SCHIP1: variants seen among roughly 807,000 people sequenced by gnomAD.
SCHIP1 encodes the protein schwannomin interacting protein 1, also known as schwannomin-interacting protein 1.
A neutral mutation model predicts 29.7 loss-of-function variants in SCHIP1; 8 were observed. The observed-to-expected ratio is 0.27, with a 90% CI of 0.16 to 0.49. The LOEUF (loss-of-function observed/expected upper bound fraction) is 0.49. Among genes scored for constraint, SCHIP1 ranks in the 20% least tolerant of loss-of-function variants. The pLI is 0.99. For missense variants in SCHIP1, 193 were observed against 294.6 expected, an observed-to-expected ratio of 0.66 and a Z score of 2.52; for synonymous variants, 76 against 94.9, an observed-to-expected ratio of 0.80 and a Z score of 1.16.
At chr3:159,645,264 C>T in the SCHIP1 span, among the ~76,000 whole-genome samples, 1 of 152,230 alleles carries the variant, frequency 6.6e-6, no homozygotes, top group African/African-American at 2.4e-5. Flanking sequence ...CTCCCCCAGG[C>T]TTGACCCTCT....
chr3:159,627,948 T>C, the SCHIP1 span, among the ~76,000 whole-genome samples: 34 of 152,296 alleles, frequency 2.2e-4, no homozygotes, highest in African/African-American at 7.7e-4. Flanking sequence ...GAGGAAAGGG[T>C]TGGGCTTACT....
the SCHIP1 span, among the ~76,000 whole-genome samples, chr3:159,701,339 T>A: frequency 1.3e-5 from 2 of 152,060 alleles, no homozygotes; most frequent in Non-Finnish European, 2.9e-5. Context: ...AAGTACAGAG[T>A]TCCTATATAC....
At chr3:159,432,288 G>A in the SCHIP1 span, among the ~76,000 whole-genome samples, 23 of 47,200 alleles carry the variant, frequency 4.9e-4, no homozygotes, top group African/African-American at 1.3e-3. Context: ...AGTAGGTGAT[G>A]TGTGTGTGTG....
At chr3:159,767,607 A>G in the SCHIP1 span, among the ~76,000 whole-genome samples, 70 of 152,332 alleles carry the variant, frequency 4.6e-4, no homozygotes, top group African/African-American at 1.6e-3. Flanking sequence ...TGGGGTATAC[A>G]ATGAAAAGGG....
At chr3:159,728,575 C>A in the SCHIP1 span, among the ~76,000 whole-genome samples, 1 of 152,274 alleles carries the variant, frequency 6.6e-6, no homozygotes, top group South Asian at 2.1e-4. Flanking sequence ...GTTGGAGAAA[C>A]AAAAGAAGAG....
At chr3:159,762,448 T>C in the SCHIP1 span, among the ~76,000 whole-genome samples, 1 of 152,198 alleles carries the variant, frequency 6.6e-6, no homozygotes, top group Non-Finnish European at 1.5e-5. Flanking sequence ...AGCCACTCCC[T>C]ACTTAGGAAT....
chr3:159,348,505 T>A, the SCHIP1 span, among the ~76,000 whole-genome samples: 1 of 152,172 alleles, frequency 6.6e-6, no homozygotes, highest in Admixed American at 6.6e-5. Context: ...TTTATATTAG[T>A]TTACTTTGCA....
chr3:159,845,651 G>T (rs997136093), intron 1 of SCHIP1: 4 of 152,174 alleles, frequency 2.6e-5, no homozygotes, highest in Non-Finnish European at 1.5e-5. Context: ...CAAAGTGCTG[G>T]GATCACAGTC....
chr3:159,750,272 T>C, the SCHIP1 span, among the ~76,000 whole-genome samples: 1 of 9,990 alleles, frequency 1.0e-4, no homozygotes, highest in South Asian at 2.1e-3. Context: ...TGTATATATA[T>C]ATATATATAT....
the SCHIP1 span, among the ~76,000 whole-genome samples, chr3:159,338,318 A>G: frequency 2.0e-5 from 3 of 152,328 alleles, no homozygotes; most frequent in East Asian, 5.8e-4. Context: ...GTAAAAGGTG[A>G]TGTCAAACCC....
chr3:159,541,551 T>C, the SCHIP1 span, among the ~76,000 whole-genome samples: 2 of 151,914 alleles, frequency 1.3e-5, no homozygotes, highest in Non-Finnish European at 1.5e-5. Context: ...GGCTGATAGA[T>C]TTATGGATAT....
the SCHIP1 span, among the ~76,000 whole-genome samples, chr3:159,574,312 T>G: frequency 3.3e-5 from 5 of 152,296 alleles, 1 homozygote; most frequent in South Asian, 1.0e-3. Context: ...GATGACATTT[T>G]TGTTGATGTT....
the SCHIP1 span, among the ~76,000 whole-genome samples, chr3:159,286,332 G>A: frequency 6.6e-6 from 1 of 152,064 alleles, no homozygotes; most frequent in Non-Finnish European, 1.5e-5. Flanking sequence ...GTATATGGTT[G>A]TCTGTTCCTG....
chr3:159,695,397 C>T, the SCHIP1 span, among the ~76,000 whole-genome samples: 1 of 152,176 alleles, frequency 6.6e-6, no homozygotes, highest in East Asian at 1.9e-4. Context: ...TCTTGCATTG[C>T]TGTTAGCATG....
At chr3:159,430,960 G>A in the SCHIP1 span, among the ~76,000 whole-genome samples, 1 of 152,100 alleles carries the variant, frequency 6.6e-6, no homozygotes, top group Admixed American at 6.6e-5. Context: ...ACTCAAAGCT[G>A]GAATAATAAG....
intron 3 of SCHIP1, chr3:159,887,364 C>T (rs1027816097): frequency 4.8e-5 from 12 of 248,026 alleles, no homozygotes; most frequent in Admixed American, 3.5e-4. Context: ...GAGATCCTGT[C>T]CACGCAAAGA....
intron 2 of SCHIP1, among the ~76,000 whole-genome samples, chr3:159,872,412 T>A (rs1483467067): frequency 6.6e-6 from 1 of 152,064 alleles, no homozygotes; most frequent in African/African-American, 2.4e-5. Context: ...TGCCCTTTGG[T>A]ACCTCTCTCC....
chr3:159,707,087 G>C, the SCHIP1 span, among the ~76,000 whole-genome samples: 1 of 152,192 alleles, frequency 6.6e-6, no homozygotes, highest in Admixed American at 6.5e-5. Context: ...ATGGTGGCAA[G>C]TGTTACAAAG....
chr3:159,403,369 T>A, the SCHIP1 span, among the ~76,000 whole-genome samples: 7 of 152,260 alleles, frequency 4.6e-5, no homozygotes, highest in South Asian at 1.5e-3. Context: ...TAACATCATG[T>A]CAGGTAAAGA....
Sources: allele counts gnomAD v4.1 joint callset (sites outside exome capture counted in the v4.1 genomes callset), GRCh38; gene constraint gnomAD v4.1.1; transcripts MANE v1.5; gene names NCBI Gene and HGNC (gene_info 2026-07-23, HGNC 2026-07-21).